The following PI4KB variants were observed in gnomAD, a reference collection of about 807,000 sequenced individuals.
PI4KB encodes phosphatidylinositol 4-kinase beta.
In PI4KB, 23 loss-of-function variants were observed where a neutral mutation model predicts 81.4. The observed-to-expected ratio is 0.28, with a 90% CI of 0.20 to 0.40. The LOEUF (loss-of-function observed/expected upper bound fraction) is 0.40, where lower values mean the gene tolerates loss of function less well. Ranked by LOEUF, PI4KB falls within the 10% of genes least tolerant of loss-of-function variation. The pLI is 1.00. For missense variants in PI4KB, 651 were observed against 1,036.6 expected (o/e 0.63, Z 5.11); for synonymous variants, 381 against 406.8 (o/e 0.94, Z 0.76).
At chr1:151,299,814 G>C (rs1695109358) in intron 8 of PI4KB, among the ~76,000 whole-genome samples, 1 of 152,028 alleles carries the variant, frequency 6.6e-6, no homozygotes, top group South Asian at 2.1e-4. Flanking sequence ...CCAACCCAGG[G>C]GTATCAGAAG....
chr1:151,293,120 G>C, intron 11 of PI4KB, 87 bp from the exon 12 acceptor site: 1 of 1,548,810 alleles, frequency 6.5e-7, no homozygotes, highest in Non-Finnish European at 8.7e-7. Context: ...TGGGGCATCT[G>C]AAGTGCCCTT....
In PI4KB at chr1:151,292,694, C is replaced by T. The variant is rs1204396870; in HGVS notation, c.*158G>A. The T allele has an allele frequency of 5.8e-6, 4 of 689,626 alleles. No individual in the cohort carries two copies. The highest frequency in any genetic ancestry group is 9.6e-6 in the Non-Finnish European group (4 of 418,094). The allele number at this position is 689,626 out of a possible 1,614,324, so 42.7% of individuals were successfully genotyped here. On this transcript the variant is annotated 3_prime_UTR_variant, in exon 12 of 12. Coordinates refer to ENST00000368873, the MANE Select transcript of PI4KB (RefSeq NM_001369623.2). ...GCTGGCTCTCCCACCCCTCAGCAAG[C>T]TCTCGCAGTTACCACATGATCCTTC...
chr1:151,293,145 G>A, intron 11 of PI4KB, 112 bp from the exon 12 acceptor site: 1 of 1,519,710 alleles, frequency 6.6e-7, no homozygotes, highest in Non-Finnish European at 8.8e-7. Flanking sequence ...TCCCACCTCA[G>A]GTCCTTGATG....
intron 6 of PI4KB, among the ~76,000 whole-genome samples, chr1:151,302,705 G>A (rs1469946295): frequency 6.6e-6 from 1 of 150,626 alleles, no homozygotes; most frequent in East Asian, 2.0e-4. Flanking sequence ...AGCCTCCCGA[G>A]TAGCTGGGAC....
At chr1:151,297,727 T>C (rs749755098) in intron 9 of PI4KB, among the ~76,000 whole-genome samples, 3 of 152,004 alleles carry the variant, frequency 2.0e-5, no homozygotes, top group African/African-American at 4.8e-5. Flanking sequence ...TTAGTAGAGA[T>C]GGGGTTTCAC....
intron 9 of PI4KB, among the ~76,000 whole-genome samples, chr1:151,295,546 T>C (rs992128236): frequency 3.3e-5 from 5 of 152,218 alleles, no homozygotes; most frequent in Non-Finnish European, 5.9e-5. Context: ...ATAGCCTCTC[T>C]TTTCACTACC....
chr1:151,306,847 C>T lies in PI4KB; in HGVS notation c.1183-484G>A, dbSNP rs192154135. 8.5e-3 allele frequency among the ~76,000 whole-genome samples: 1,287 copies of T among 152,228 alleles called. 8 individuals carry two copies. Among genetic ancestry groups the T allele is most frequent in the Non-Finnish European group, 0.012 (812 of 67,994 alleles). ...ATCCTAGCACTTTGGGGGGCCGAGGCGGGTGGATCATGAGGTCAGGAGTTC... is the reference window on the plus strand; with the variant it reads ...ATCCTAGCACTTTGGGGGGCCGAGGTGGGTGGATCATGAGGTCAGGAGTTC... On this transcript the variant is annotated intron_variant, in intron 4 of 11. Coordinates refer to ENST00000368873, the MANE Select transcript of PI4KB (RefSeq NM_001369623.2).
At chr1:151,323,699 G>A (rs1324345438) in intron 1 of PI4KB, among the ~76,000 whole-genome samples, 7 of 152,050 alleles carry the variant, frequency 4.6e-5, no homozygotes, top group African/African-American at 7.2e-5. Flanking sequence ...ACTCTAGCCT[G>A]GGCGACAGAA....
At chr1:151,326,429 C>A (rs1649619626) in intron 1 of PI4KB, 2 of 442,294 alleles carry the variant, frequency 4.5e-6, no homozygotes, top group Non-Finnish European at 8.0e-6. Context: ...ATGAAGCCCA[C>A]GGGAAAAACA....
At chr1:151,315,529 A>G in intron 2 of PI4KB, 44 bp downstream of exon 2, 1 of 1,353,372 alleles carries the variant, frequency 7.4e-7, no homozygotes, top group African/African-American at 1.4e-5. Context: ...GTCTCCATGC[A>G]GCCCTCTACC....
intron 9 of PI4KB, among the ~76,000 whole-genome samples, chr1:151,296,563 T>A (rs1694814877): frequency 1.3e-5 from 2 of 149,872 alleles, no homozygotes; most frequent in African/African-American, 4.9e-5. Context: ...TTCTGCCTCC[T>A]GGGTTCAAGT....
chr1:151,323,530 C>A (rs1649156867), intron 1 of PI4KB, among the ~76,000 whole-genome samples: 1 of 151,840 alleles, frequency 6.6e-6, no homozygotes, highest in Non-Finnish European at 1.5e-5. Context: ...CGTGACCAGC[C>A]TGGCCAACAT....
intron 9 of PI4KB, among the ~76,000 whole-genome samples, chr1:151,296,841 T>C (rs1451743511): frequency 1.3e-5 from 2 of 151,852 alleles, no homozygotes; most frequent in Admixed American, 6.6e-5. Flanking sequence ...AGTCGCGCGA[T>C]CTCATCTCAC....
At chr1:151,310,143 C>T (rs752168374) in intron 3 of PI4KB, 68 bp downstream of exon 3, 6 of 1,152,584 alleles carry the variant, frequency 5.2e-6, no homozygotes, top group Non-Finnish European at 7.8e-6. Context: ...CTCAGAAGAC[C>T]TGGGGACGGA....
chr1:151,302,581 T>C (rs587728630), intron 6 of PI4KB, among the ~76,000 whole-genome samples: 23 of 146,456 alleles, frequency 1.6e-4, no homozygotes, highest in Admixed American at 3.4e-4. Flanking sequence ...TCTTTTCTTT[T>C]TTTTTTTTTT....
At chr1:151,302,758 T>C (rs909806715) in intron 6 of PI4KB, among the ~76,000 whole-genome samples, 3 of 150,382 alleles carry the variant, frequency 2.0e-5, no homozygotes, top group African/African-American at 7.3e-5. Context: ...TTTTTTTGTA[T>C]TTTTTTGGTA....
intron 5 of PI4KB, among the ~76,000 whole-genome samples, chr1:151,304,424 A>C (rs1695572855): frequency 7.2e-6 from 1 of 139,162 alleles, no homozygotes; most frequent in East Asian, 2.1e-4. Context: ...GCTCACTGCG[A>C]CCTCCGCCTC....
intron 9 of PI4KB, 128 bp from the exon 10 acceptor site, chr1:151,294,669 G>A: frequency 6.7e-6 from 5 of 744,694 alleles, no homozygotes; most frequent in Admixed American, 2.3e-5. Flanking sequence ...CCTGCTGCCC[G>A]TAACTCCAAT....
At chr1:151,309,812 C>T (rs587764833) in intron 3 of PI4KB, among the ~76,000 whole-genome samples, 13 of 152,222 alleles carry the variant, frequency 8.5e-5, no homozygotes, top group African/African-American at 2.4e-4. Context: ...GATAATCTGA[C>T]GGCAGAAGCC....
Sources: gnomAD v4.1 joint callset for allele counts (sites outside exome capture counted in the v4.1 genomes callset) on GRCh38, gnomAD v4.1.1 for gene constraint, MANE v1.5 for transcripts, NCBI Gene and HGNC (gene_info 2026-07-23, HGNC 2026-07-21) for gene names.